CD96: variants seen among roughly 807,000 people sequenced by gnomAD.
CD96 encodes T-cell surface protein tactile.
Under a neutral mutation model 71.3 loss-of-function variants are expected in CD96, and 70 were observed. That is an observed-to-expected ratio of 0.98 (90% CI 0.81 to 1.20). The LOEUF (loss-of-function observed/expected upper bound fraction) is 1.20, where lower values mean the gene tolerates loss of function less well. CD96 is among the 50% of genes most tolerant of loss of function. CD96 has a pLI of 0.00. For synonymous variants in CD96, 248 were observed against 233.0 expected (o/e 1.06, Z -0.59); for missense variants, 742 against 677.5 (o/e 1.10, Z -1.06).
At chr3:111,604,096 G>A (rs1012062717) in intron 7 of CD96, among the ~76,000 whole-genome samples, 10 of 152,086 alleles carry the variant, frequency 6.6e-5, no homozygotes, top group Non-Finnish European at 1.2e-4. Flanking sequence ...TGAGAAGAAA[G>A]GACCTAGCAA....
chr3:111,594,430 C>T (rs888324590), intron 5 of CD96: 1 of 480,292 alleles, frequency 2.1e-6, no homozygotes. Context: ...GAGTGCATTC[C>T]TTCCATGCCC....
intron 8 of CD96, among the ~76,000 whole-genome samples, chr3:111,611,503 G>C (rs1175117352): frequency 6.6e-6 from 1 of 152,250 alleles, no homozygotes; most frequent in Non-Finnish European, 1.5e-5. Flanking sequence ...AAGACAGTGA[G>C]AAGGCTCCAG....
chr3:111,556,208 T>C (rs1467746796), intron 2 of CD96, among the ~76,000 whole-genome samples: 1 of 112,052 alleles, frequency 8.9e-6, no homozygotes, highest in Non-Finnish European at 1.9e-5. Flanking sequence ...AACAACTTCT[T>C]TTTTTTTTAT....
At chr3:111,657,095 G>GA (rs1940247039), downstream of CD96, among the ~76,000 whole-genome samples, 1 of 151,884 alleles carries the variant, frequency 6.6e-6, no homozygotes, top group South Asian at 2.1e-4. Flanking sequence ...AAAAAAGAAA[G>GA]AAAAAACTAA....
intron 12 of CD96, among the ~76,000 whole-genome samples, chr3:111,642,033 A>G (rs898495430): frequency 1.1e-4 from 16 of 152,352 alleles, no homozygotes; most frequent in African/African-American, 3.1e-4. Context: ...CTAAACACCT[A>G]CAACAAAAAT....
chr3:111,610,948 C>T (rs1331362556), intron 8 of CD96, among the ~76,000 whole-genome samples: 1 of 152,182 alleles, frequency 6.6e-6, no homozygotes, highest in East Asian at 1.9e-4. Flanking sequence ...TACAATGTGT[C>T]AGGGACTTTT....
chr3:111,601,998 C>A (rs1426107235), intron 7 of CD96, among the ~76,000 whole-genome samples: 1 of 152,158 alleles, frequency 6.6e-6, no homozygotes, highest in Admixed American at 6.5e-5. Context: ...AACACATCAT[C>A]CTGTGTACTT....
At chr3:111,597,139 AT>A (rs1268059362) in intron 5 of CD96, among the ~76,000 whole-genome samples, 1 of 152,222 alleles carries the variant, frequency 6.6e-6, no homozygotes, top group Admixed American at 6.5e-5. Flanking sequence ...ATATTCATTA[AT>A]TGTGGAAAAT....
chr3:111,586,326 A>G (rs1441663834), intron 5 of CD96, among the ~76,000 whole-genome samples: 1 of 152,242 alleles, frequency 6.6e-6, no homozygotes, highest in Non-Finnish European at 1.5e-5. Context: ...CGCACCAATA[A>G]CATTAAATAA....
chr3:111,655,560 G>T (rs1940209124), downstream of CD96, among the ~76,000 whole-genome samples: 1 of 152,132 alleles, frequency 6.6e-6, no homozygotes. Context: ...CAAGGCCACT[G>T]CAGTAGAGAC....
chr3:111,554,389 T>G (rs1197367850), intron 2 of CD96, among the ~76,000 whole-genome samples: 1 of 152,164 alleles, frequency 6.6e-6, no homozygotes, highest in African/African-American at 2.4e-5. Context: ...TTGATCTACT[T>G]CCTCCATTTC....
At chr3:111,603,115 A>G (rs1937533951) in intron 7 of CD96, among the ~76,000 whole-genome samples, 1 of 152,160 alleles carries the variant, frequency 6.6e-6, no homozygotes, top group South Asian at 2.1e-4. Context: ...CCCATGATCC[A>G]CAGTAACTAC....
intron 5 of CD96, among the ~76,000 whole-genome samples, chr3:111,586,942 C>T (rs1936740961): frequency 6.6e-6 from 1 of 152,134 alleles, no homozygotes. Flanking sequence ...CTCATTGCAG[C>T]ATTAACTCAA....
intron 9 of CD96, 134 bp downstream of exon 9, chr3:111,623,956 T>G (rs760686403): frequency 6.5e-5 from 47 of 727,314 alleles, no homozygotes; most frequent in Admixed American, 5.8e-4. Flanking sequence ...ATCTTGGTTT[T>G]GGGTTACTCT....
chr3:111,592,086 C>T (rs961611135), intron 5 of CD96, among the ~76,000 whole-genome samples: 4 of 152,176 alleles, frequency 2.6e-5, no homozygotes, highest in African/African-American at 7.2e-5. Context: ...CCACTCCATC[C>T]CCATTCCCAA....
intron 8 of CD96, among the ~76,000 whole-genome samples, chr3:111,620,388 T>G (rs1055004176): frequency 2.6e-5 from 4 of 151,976 alleles, no homozygotes; most frequent in Admixed American, 2.6e-4. Context: ...TATGTGAAGG[T>G]TTTTAGAGAT....
chr3:111,596,005 T>G (rs1055418612), intron 5 of CD96, among the ~76,000 whole-genome samples: 1 of 151,650 alleles, frequency 6.6e-6, no homozygotes, highest in African/African-American at 2.4e-5. Context: ...CTACTAAAAA[T>G]GCAAAAATTA....
At chr3:111,636,732 A>G (rs1043725873) in intron 10 of CD96, among the ~76,000 whole-genome samples, 2 of 152,220 alleles carry the variant, frequency 1.3e-5, no homozygotes, top group African/African-American at 4.8e-5. Flanking sequence ...TTGTTTTCAC[A>G]GTTCAGCAAG....
downstream of CD96, among the ~76,000 whole-genome samples, chr3:111,653,617 T>C (rs1437502507): frequency 1.3e-5 from 2 of 152,154 alleles, no homozygotes; most frequent in African/African-American, 2.4e-5. Flanking sequence ...GAAATTGACT[T>C]GTCCAAGGTC....
Sources: allele counts gnomAD v4.1 joint callset (sites outside exome capture counted in the v4.1 genomes callset), GRCh38; gene constraint gnomAD v4.1.1; transcripts MANE v1.5; gene names NCBI Gene and HGNC (gene_info 2026-07-23, HGNC 2026-07-21).